The following PXDNL variants were observed in gnomAD, a reference collection of about 807,000 sequenced individuals.
PXDNL encodes the protein probable oxidoreductase PXDNL.
PXDNL carries 145 observed loss-of-function variants against 150.8 expected under a neutral mutation model. The observed-to-expected ratio is 0.96, with a 90% confidence interval of 0.84 to 1.10. The LOEUF (loss-of-function observed/expected upper bound fraction) is 1.10. PXDNL is among the 50% of genes least tolerant of loss of function. The pLI is 0.00. For synonymous variants in PXDNL, 757 were observed against 725.7 expected, an observed-to-expected ratio of 1.04 and a Z score of -0.69; for missense variants, 2,087 against 1,873.9, an observed-to-expected ratio of 1.11 and a Z score of -2.10.
chr8:51,345,933 C>A lies in PXDNL; in HGVS notation c.3916G>T (p.Gly1306Ter). The A allele has an allele frequency of 6.2e-7, 1 of 1,610,408 alleles. No individual in the cohort carries two copies. Among genetic ancestry groups the A allele is most frequent in the Non-Finnish European group, 8.5e-7 (1 of 1,176,638 alleles). Residue 1306 changes from glycine to a stop codon, truncating the protein, a stop_gained, in exon 20 of 23, where the codon GGA becomes TGA. Coordinates refer to ENST00000356297, the MANE Select transcript of PXDNL (RefSeq NM_144651.5). LOFTEE classifies it high-confidence loss of function. ...QDCCADCRSR[G>*]QFRAVTQESQ... ...TCTTGCGTCACTGCTCTGAACTGTC[C>A]TCTACTCCTACAGTCTGTGGGGAAA...
At chr8:51,676,556 C>T (rs969427693) in intron 1 of PXDNL, among the ~76,000 whole-genome samples, 3 of 152,048 alleles carry the variant, frequency 2.0e-5, no homozygotes, top group African/African-American at 7.3e-5. Flanking sequence ...GGATTACAGG[C>T]GTGAGCCACC....
chr8:51,746,048 C>T lies in PXDNL; in HGVS notation c.164+63133G>A, dbSNP rs138850367. Among the ~76,000 whole-genome samples, 156 of 152,222 alleles carry T rather than the reference C, an allele frequency of 1.0e-3. 1 individual carries two copies. The highest frequency in any genetic ancestry group is 3.5e-3 in the African/African-American group (147 of 41,526). On this transcript the variant is annotated intron_variant, in intron 1 of 22. Coordinates refer to ENST00000356297, the MANE Select transcript of PXDNL (RefSeq NM_144651.5). ...TGCTGGGATTACAGGCGTGAGCCAC[C>T]GTGCCCAGCCCTACCATTATTTTTT...
At chr8:51,802,522 T>G (rs750617927) in intron 1 of PXDNL, among the ~76,000 whole-genome samples, 9 of 152,234 alleles carry the variant, frequency 5.9e-5, no homozygotes, top group Non-Finnish European at 1.2e-4. Context: ...GTGTATTTTA[T>G]GTGTGGCCCA....
intron 17 of PXDNL, among the ~76,000 whole-genome samples, chr8:51,400,892 C>A (rs1411228970): frequency 6.6e-6 from 1 of 152,002 alleles, no homozygotes; most frequent in East Asian, 1.9e-4. Context: ...TAGTTTTCAC[C>A]TAAGAAAATT....
At chr8:51,655,387 G>A (rs1399264298) in intron 1 of PXDNL, among the ~76,000 whole-genome samples, 1 of 152,154 alleles carries the variant, frequency 6.6e-6, no homozygotes, top group Non-Finnish European at 1.5e-5. Context: ...GGGATGCAAA[G>A]ATAAGCAAGA....
Position 51,599,229 on chromosome 8 carries a change from T to G in PXDNL, c.237-6531A>C, listed in dbSNP as rs577215271. ...TTTGTATGGATTTTGGGTCTCAGTTTTATTCATTTCTGCTTTGATTTTATT... is the reference window on the plus strand; with the variant it reads ...TTTGTATGGATTTTGGGTCTCAGTTGTATTCATTTCTGCTTTGATTTTATT... On this transcript the variant is annotated intron_variant, in intron 2 of 22. Coordinates refer to ENST00000356297, the MANE Select transcript of PXDNL (RefSeq NM_144651.5). Among the ~76,000 whole-genome samples, 5 of 152,202 alleles carry G rather than the reference T, an allele frequency of 3.3e-5. No homozygotes were observed. The South Asian group carries it at 1.0e-3, about 32-fold the overall frequency.
At chr8:51,775,299 A>T (rs2037340254) in intron 1 of PXDNL, among the ~76,000 whole-genome samples, 1 of 152,214 alleles carries the variant, frequency 6.6e-6, no homozygotes, top group South Asian at 2.1e-4. Context: ...ATAAGCAGAA[A>T]ATCAGTTGTC....
At chr8:51,608,828 C>G (rs1476680030) in intron 2 of PXDNL, among the ~76,000 whole-genome samples, 1 of 104,448 alleles carries the variant, frequency 9.6e-6, no homozygotes, top group African/African-American at 4.4e-5. Context: ...CAGAGCAAGA[C>G]TCTGTCTCAA....
At chr8:51,431,833 CT>C (rs1563409704) in intron 12 of PXDNL, among the ~76,000 whole-genome samples, 1 of 152,158 alleles carries the variant, frequency 6.6e-6, no homozygotes, top group Non-Finnish European at 1.5e-5. Flanking sequence ...ACCGATTTAA[CT>C]TTTTCCCAAG....
chr8:51,440,961 G>A (rs550377503), intron 12 of PXDNL, among the ~76,000 whole-genome samples: 2 of 152,310 alleles, frequency 1.3e-5, no homozygotes, highest in East Asian at 3.9e-4. Flanking sequence ...ATGTTTTTGG[G>A]CAGTGCAGTG....
intron 4 of PXDNL, among the ~76,000 whole-genome samples, chr8:51,510,584 A>C (rs959941262): frequency 1.3e-5 from 2 of 152,232 alleles, no homozygotes; most frequent in Non-Finnish European, 2.9e-5. Context: ...AGAGGGACTT[A>C]AATCTGGAAG....
intron 3 of PXDNL, among the ~76,000 whole-genome samples, chr8:51,578,848 T>G (rs1813144492): frequency 6.6e-6 from 1 of 151,904 alleles, no homozygotes; most frequent in South Asian, 2.1e-4. Flanking sequence ...GCAGAAGCAA[T>G]TCAGTGGAGG....
At chr8:51,519,480 C>T (rs1019469456) in intron 4 of PXDNL, among the ~76,000 whole-genome samples, 7 of 152,006 alleles carry the variant, frequency 4.6e-5, no homozygotes, top group Non-Finnish European at 7.4e-5. Context: ...TTGCAGCGAG[C>T]AGACTTTGCA....
intron 21 of PXDNL, among the ~76,000 whole-genome samples, chr8:51,325,660 A>G (rs1805459957): frequency 6.6e-6 from 1 of 152,126 alleles, no homozygotes; most frequent in Non-Finnish European, 1.5e-5. Context: ...GTGAAGAGGG[A>G]GGGGAGCTTC....
Position 51,453,507 on chromosome 8 carries a change from C to T in PXDNL, c.1249+12G>A. The T allele has an allele frequency of 6.2e-7, 1 of 1,612,986 alleles. No homozygotes were observed. On this transcript the variant is annotated intron_variant, in intron 10 of 22. Transcript: ENST00000356297. ...GGAGGAACATTTCAATCATGACCTT[C>T]TGCTCCCATACCTTGTACAATTATG... is the stretch of plus-strand genomic sequence containing the variant.
At chr8:51,772,963 A>G (rs988672409) in intron 1 of PXDNL, among the ~76,000 whole-genome samples, 2 of 152,324 alleles carry the variant, frequency 1.3e-5, no homozygotes, top group Admixed American at 1.3e-4. Flanking sequence ...GGTAAATTAC[A>G]CACACCTACT....
intron 1 of PXDNL, among the ~76,000 whole-genome samples, chr8:51,773,994 T>C (rs2037326215): frequency 6.6e-6 from 1 of 152,230 alleles, no homozygotes; most frequent in African/African-American, 2.4e-5. Flanking sequence ...AATGAAAAGA[T>C]AGTTAATATG....
At chr8:51,717,052 G>A (rs532470205) in intron 1 of PXDNL, among the ~76,000 whole-genome samples, 1 of 152,176 alleles carries the variant, frequency 6.6e-6, no homozygotes, top group Non-Finnish European at 1.5e-5. Flanking sequence ...GGCTGTAGTT[G>A]CTCAGCAGTG....
chr8:51,368,857 G>A lies in PXDNL; in HGVS notation c.3901+3016C>T, dbSNP rs183701598. Among the ~76,000 whole-genome samples the A allele has an allele frequency of 3.4e-3, 523 of 152,032 alleles. 6 individuals carry two copies. Among genetic ancestry groups the A allele is most frequent in the African/African-American group, 0.012 (497 of 41,486 alleles). The stretch of plus-strand genomic sequence containing the variant: ...CTAAAAATACAAAAATTAGCCGGGC[G>A]CAGTGGTGCGGGCCTGTAGTCACAG... On this transcript the variant is annotated intron_variant, in intron 19 of 22. Transcript: ENST00000356297.
Sources: gnomAD v4.1 joint callset for allele counts (sites outside exome capture counted in the v4.1 genomes callset) on GRCh38, gnomAD v4.1.1 for gene constraint, MANE v1.5 for transcripts, NCBI Gene and HGNC (gene_info 2026-07-23, HGNC 2026-07-21) for gene names.